Variants in PPEF1 observed in about 807,000 individuals in gnomAD.
PPEF1 encodes protein phosphatase with EF-hand domain 1.
In PPEF1, 12 loss-of-function variants were observed where a neutral mutation model predicts 53.3. The ratio of observed to expected loss-of-function variants is 0.23; its 90% CI spans 0.14 to 0.36. The LOEUF is 0.36. Ranked by LOEUF, PPEF1 falls within the 10% of genes least tolerant of loss-of-function variation. The probability of loss-of-function intolerance (pLI) is 1.00; values close to 1 mark genes in which losing one functional copy is unlikely to be tolerated. For synonymous variants in PPEF1, 165 were observed against 176.7 expected (o/e 0.93, Z 0.52); for missense variants, 334 against 490.4 (o/e 0.68, Z 3.01).
At chrX:18,755,858 C>T (rs984042008) in intron 4 of PPEF1, among the ~76,000 whole-genome samples, 1 of 111,191 alleles carries the variant, frequency 9.0e-6, no homozygotes, top group Non-Finnish European at 1.9e-5. Context: ...AGAGTCCATC[C>T]GTGGTAGCAT....
Position 18,779,141 on chromosome X carries a change from C to T in PPEF1, c.690C>T (p.Asn230=). The part of the protein sequence containing the change: ...FLVYPNDLHL[N]RGNHEDFMMN... ...TCTACCCCAATGACCTGCACTTGAA[C>T]AGAGGGAACCACGAAGATTTTATGA... Residue 230 remains asparagine, a synonymous_variant, in exon 7 of 16, where the codon AAC becomes AAT. Coordinates refer to ENST00000470157, the MANE Select transcript of PPEF1 (RefSeq NM_001377996.1). The T allele has an allele frequency of 8.3e-7, 1 of 1,206,902 alleles. No individual in the cohort carries two copies.
At chrX:18,783,801 A>T in intron 8 of PPEF1, 98 bp from the exon 9 acceptor site, 1 of 818,219 alleles carries the variant, frequency 1.2e-6, no homozygotes, top group African/African-American at 2.1e-5. Context: ...ACTTCCTTTG[A>T]GTGGCCTGAA....
intron 6 of PPEF1, among the ~76,000 whole-genome samples, chrX:18,778,664 T>A (rs2046017827): frequency 9.0e-6 from 1 of 111,517 alleles, no homozygotes; most frequent in Admixed American, 9.6e-5. Flanking sequence ...GGTAGAAGTT[T>A]CCCTCTTTTC....
At chrX:18,743,299 A>G (rs1165381004) in intron 3 of PPEF1, among the ~76,000 whole-genome samples, 1 of 111,502 alleles carries the variant, frequency 9.0e-6, no homozygotes, top group Non-Finnish European at 1.9e-5. Flanking sequence ...CAGTTGCTCC[A>G]TATCCTCACC....
chrX:18,746,679 G>T (rs1413964023), intron 3 of PPEF1, among the ~76,000 whole-genome samples: 1 of 111,843 alleles, frequency 8.9e-6, no homozygotes, highest in Admixed American at 9.5e-5. Flanking sequence ...AAAATAAAAT[G>T]ATTTTTGCTT....
rs1251761551 is a variant in PPEF1, at chrX:18,779,004, C to G, written c.559-6C>G. On this transcript the variant is annotated splice_region_variant and splice_polypyrimidine_tract_variant and intron_variant, in intron 6 of 15. Transcript: ENST00000470157. Reference sequence around the variant, plus strand: ...CCTTGTTTTTTCCCTTCTCCTCCTTCCACAGAATGGTCTCCCCTCAGAGAG... The same window carrying G: ...CCTTGTTTTTTCCCTTCTCCTCCTTGCACAGAATGGTCTCCCCTCAGAGAG... 3.4e-6 allele frequency: 4 copies of G among 1,184,045 alleles called. No homozygotes were observed. Among genetic ancestry groups the G allele is most frequent in the Non-Finnish European group, 4.6e-6 (4 of 875,413 alleles).
At chrX:18,811,659 C>G (rs1270147049) in intron 12 of PPEF1, among the ~76,000 whole-genome samples, 1 of 99,065 alleles carries the variant, frequency 1.0e-5, no homozygotes, top group African/African-American at 3.7e-5. Flanking sequence ...ACTTTGTTGC[C>G]CAGGCAAAGG....
At chrX:18,711,999 G>A (rs528461272) in intron 1 of PPEF1, among the ~76,000 whole-genome samples, 82 of 111,692 alleles carry the variant, frequency 7.3e-4, no homozygotes, top group Middle Eastern at 4.6e-3. Flanking sequence ...TGATCCGCCC[G>A]CCTTGGCCTC....
chrX:18,801,158 G>T (rs1602468736), intron 10 of PPEF1, among the ~76,000 whole-genome samples: 1 of 111,741 alleles, frequency 8.9e-6, no homozygotes, highest in East Asian at 2.8e-4. Flanking sequence ...GAATTCAGTG[G>T]GGAGAAAGGA....
rs58697941 is a variant in PPEF1, at chrX:18,826,417, C to CTTTT, written c.1750+607_1750+610dup. Among the ~76,000 whole-genome samples the CTTTT allele has an allele frequency of 5.3e-4, 13 of 24,631 alleles. 1 individual carries two copies. Among genetic ancestry groups the CTTTT allele is most frequent in the African/African-American group, 2.1e-3 (10 of 4,827 alleles). 21.4% of individuals were successfully genotyped at this position (24,631 alleles called of 115,157 possible). ...AAGGGCTATGAAAAGTCATTTTCTG[C>CTTTT]TTTTTTTTTTTTTTTTTTTTTTTTT... On this transcript the variant is annotated intron_variant, in intron 15 of 15. Coordinates refer to ENST00000470157, the MANE Select transcript of PPEF1 (RefSeq NM_001377996.1).
At chrX:18,807,546 C>CT (rs1259523109) in intron 12 of PPEF1, among the ~76,000 whole-genome samples, 1 of 111,941 alleles carries the variant, frequency 8.9e-6, no homozygotes, top group African/African-American at 3.2e-5. Flanking sequence ...TAAAAAAAAC[C>CT]TTTGAGTACC....
chrX:18,710,468 C>G (rs949464595), intron 1 of PPEF1, among the ~76,000 whole-genome samples: 1 of 110,778 alleles, frequency 9.0e-6, no homozygotes, highest in Non-Finnish European at 1.9e-5. Context: ...AGTTTTGTAA[C>G]AACTCAACAA....
rs1181211988 is a variant in PPEF1, at chrX:18,719,340, C to CT, written c.47-10824dup. 5.1e-3 allele frequency among the ~76,000 whole-genome samples: 468 copies of CT among 92,072 alleles called. 2 individuals carry two copies. The highest frequency in any genetic ancestry group is 0.011 in the Middle Eastern group (2 of 184). 80.0% of individuals were successfully genotyped at this position (92,072 alleles called of 115,157 possible). On this transcript the variant is annotated intron_variant, in intron 1 of 15. Coordinates refer to ENST00000470157, the MANE Select transcript of PPEF1 (RefSeq NM_001377996.1). ...GATATAGCCAAGGATTACAACTCAT[C>CT]TTTTTTTTTTTTTTTTTCTTTTTTG... is the stretch of plus-strand genomic sequence containing the variant.
intron 6 of PPEF1, among the ~76,000 whole-genome samples, chrX:18,701,368 A>G (rs894091897): frequency 8.9e-6 from 1 of 112,438 alleles, no homozygotes; most frequent in African/African-American, 3.2e-5. Context: ...GAACAAACAC[A>G]GTGGGTTCCC....
intron 10 of PPEF1, 114 bp downstream of exon 10, chrX:18,789,387 T>C: frequency 1.4e-6 from 1 of 710,885 alleles, no homozygotes; most frequent in Non-Finnish European, 2.1e-6. Context: ...CACATGATTC[T>C]CTTGGAATTC....
At chrX:18,824,913 C>T (rs1409122087) in intron 14 of PPEF1, among the ~76,000 whole-genome samples, 1 of 111,261 alleles carries the variant, frequency 9.0e-6, no homozygotes, top group East Asian at 2.9e-4. Flanking sequence ...ATCTGCCCAC[C>T]TCGGCCTCCC....
chrX:18,700,055 G>C (rs1385746051), intron 5 of PPEF1: 1 of 112,083 alleles, frequency 8.9e-6, no homozygotes, highest in African/African-American at 3.2e-5. Context: ...TGCATCTCCA[G>C]GCCAGGAACA....
At position 18,707,681 on chromosome X, in the gene PPEF1, G is replaced by A; in HGVS notation, c.-100G>A. 1.4e-5 allele frequency: 11 copies of A among 759,387 alleles called. No individual in the cohort carries two copies. Among genetic ancestry groups the A allele is most frequent in the Non-Finnish European group, 2.0e-5 (10 of 496,764 alleles). The allele number at this position is 759,387 out of a possible 1,213,427, so 62.6% of individuals were successfully genotyped here. ...TAGAATCTATGACTGAAGAGGATCG[G>A]CTAAGAGTGGTTCCTCGCAGCTTAA... On this transcript the variant is annotated 5_prime_UTR_variant, in exon 1 of 16. Coordinates refer to ENST00000470157, the MANE Select transcript of PPEF1 (RefSeq NM_001377996.1).
chrX:18,680,132 T>C (rs1278908675), upstream of PPEF1, among the ~76,000 whole-genome samples: 1 of 109,668 alleles, frequency 9.1e-6, no homozygotes, highest in African/African-American at 3.3e-5. Context: ...GCCTTTGCTT[T>C]GACTGCACTC....
Sources: allele counts gnomAD v4.1 joint callset (sites outside exome capture counted in the v4.1 genomes callset), GRCh38; gene constraint gnomAD v4.1.1; transcripts MANE v1.5; gene names NCBI Gene and HGNC (gene_info 2026-07-23, HGNC 2026-07-21).